The following RASAL1 variants were observed in gnomAD, a reference collection of about 807,000 sequenced individuals.
The protein encoded by RASAL1 is rasGAP-activating-like protein 1.
Under a neutral mutation model 96.6 loss-of-function variants are expected in RASAL1, and 72 were observed. The ratio of observed to expected loss-of-function variants is 0.75; its 90% CI spans 0.62 to 0.91. The LOEUF (loss-of-function observed/expected upper bound fraction) is 0.91, where lower values mean the gene tolerates loss of function less well. RASAL1 is among the 40% of genes least tolerant of loss of function. The probability of loss-of-function intolerance (pLI) is 0.00; values close to 1 mark genes in which losing one functional copy is unlikely to be tolerated. For missense variants in RASAL1, 1,016 were observed against 1,072.5 expected, an observed-to-expected ratio of 0.95 and a Z score of 0.74; for synonymous variants, 405 against 430.4, an observed-to-expected ratio of 0.94 and a Z score of 0.73.
At chr12:113,123,474 A>G (rs2136221905) in intron 4 of RASAL1, among the ~76,000 whole-genome samples, 1 of 152,258 alleles carries the variant, frequency 6.6e-6, no homozygotes, top group South Asian at 2.1e-4. Context: ...CCCTTGTCCA[A>G]GTTTTAGTCT....
At chr12:113,105,579 T>G in intron 16 of RASAL1, 135 bp downstream of exon 16, 1 of 950,574 alleles carries the variant, frequency 1.1e-6, no homozygotes, top group Non-Finnish European at 1.6e-6. Flanking sequence ...TCCTGAGAGT[T>G]TGTCGTTGTT....
rs1171414060 is a variant in RASAL1, at chr12:113,120,734, G to A, written c.428+775C>T. On this transcript the variant is annotated intron_variant, in intron 5 of 20. Coordinates refer to ENST00000548055, the MANE Select transcript of RASAL1 (RefSeq NM_001301202.2). Reference sequence around the variant, plus strand: ...TCCCATGAGCTGGTGCCCCTAGAGGGCCACCTGTGGGTTTTCCTGGTCTTG... The same window carrying A: ...TCCCATGAGCTGGTGCCCCTAGAGGACCACCTGTGGGTTTTCCTGGTCTTG... Among the ~76,000 whole-genome samples, 3 of 152,138 alleles carry A rather than the reference G, an allele frequency of 2.0e-5. No individual in the cohort carries two copies. In the East Asian group the frequency reaches 5.8e-4, roughly 29 times the overall value.
In RASAL1 at chr12:113,130,648, C is replaced by A. The variant is rs1951668911; in HGVS notation, c.122+237G>T. On this transcript the variant is annotated intron_variant, in intron 2 of 20. Coordinates refer to ENST00000548055, the MANE Select transcript of RASAL1 (RefSeq NM_001301202.2). This position sits in a 1 kb window ranked among gnomAD's most constrained non-coding sequence, Gnocchi z 5.1. The stretch of plus-strand genomic sequence containing the variant: ...GGCCACTGTAGGAGGCACAGGCTGG[C>A]AGCGCTGAGTCAGCCCCAGGGAGCC... 6.6e-6 allele frequency among the ~76,000 whole-genome samples: 1 copy of A among 152,150 alleles called. No homozygotes were observed. Among genetic ancestry groups the A allele is most frequent in the South Asian group, 2.1e-4 (1 of 4,832 alleles).
At chr12:113,131,183 C>G (rs1018007352) in intron 1 of RASAL1, among the ~76,000 whole-genome samples, 2 of 148,936 alleles carry the variant, frequency 1.3e-5, no homozygotes, top group African/African-American at 5.0e-5. Flanking sequence ...AACAGGGAGG[C>G]CTGAGGCCAG....
rs916585248 is a variant in RASAL1 at position 113,128,570 on chromosome 12, T to A, written c.123-392A>T. Among the ~76,000 whole-genome samples the A allele has an allele frequency of 4.0e-5, 6 of 150,848 alleles. 1 individual carries two copies. In the South Asian group the frequency reaches 1.3e-3, roughly 32 times the overall value. On this transcript the variant is annotated intron_variant, in intron 2 of 20. Coordinates refer to ENST00000548055, the MANE Select transcript of RASAL1 (RefSeq NM_001301202.2). ...TACACACCCACATACAGGGCCCCAA[T>A]ACACATCTAAGGTCCCAGATACACA...
rs1050182134 is a variant in RASAL1, at chr12:113,135,207, G to T, written c.65+191C>A. Among the ~76,000 whole-genome samples the T allele has an allele frequency of 6.6e-6, 1 of 151,842 alleles. No homozygotes were observed. Among genetic ancestry groups the T allele is most frequent in the Non-Finnish European group, 1.5e-5 (1 of 67,936 alleles). On this transcript the variant is annotated intron_variant, in intron 1 of 20. Coordinates refer to ENST00000548055, the MANE Select transcript of RASAL1 (RefSeq NM_001301202.2). This position sits in a 1 kb window ranked among gnomAD's most constrained non-coding sequence, Gnocchi z 5.7. ...GGCGGGGCATCTGCTAACTCTAGGC[G>T]CCCCCCTCCCACCGGGACAGCCATG...
chr12:113,114,799 C>G lies in RASAL1; in HGVS notation c.1181+1G>C, dbSNP rs1951013696. The G allele has an allele frequency of 6.2e-7, 1 of 1,612,870 alleles. No homozygotes were observed. The highest frequency in any genetic ancestry group is 8.5e-7 in the Non-Finnish European group (1 of 1,178,904). On this transcript the variant is annotated splice_donor_variant, in intron 12 of 20. Transcript: ENST00000548055. LOFTEE classifies it high-confidence loss of function. ...GGTCAGGGTCCTCAGGCTTTGCTCACCGGGTGCGGCCCAGGTCCATCTTGC... is the reference window on the plus strand; with the variant it reads ...GGTCAGGGTCCTCAGGCTTTGCTCAGCGGGTGCGGCCCAGGTCCATCTTGC...
intron 1 of RASAL1, among the ~76,000 whole-genome samples, chr12:113,134,005 C>T (rs1161049753): frequency 6.6e-6 from 1 of 152,198 alleles, no homozygotes; most frequent in Non-Finnish European, 1.5e-5. Context: ...GGCCAGAGCT[C>T]AGTGAGTGAG....
rs1951035933 is a variant in RASAL1, at chr12:113,115,366, C to G, written c.1004-102G>C. 1 of 1,217,566 alleles carries G rather than the reference C, an allele frequency of 8.2e-7. No homozygotes were observed. The highest frequency in any genetic ancestry group is 1.5e-5 in the African/African-American group (1 of 67,158). 75.4% of individuals were successfully genotyped at this position (1,217,566 alleles called of 1,614,324 possible). On this transcript the variant is annotated intron_variant, in intron 10 of 20. Transcript: ENST00000548055. This position sits in a 1 kb window ranked among gnomAD's most constrained non-coding sequence, Gnocchi z 4.1. Reference sequence around the variant, plus strand: ...TCATGATTCTTCCAGCCCCAAGAATCAGGAAGACCCAAAACATCAACCCCA... The same window carrying G: ...TCATGATTCTTCCAGCCCCAAGAATGAGGAAGACCCAAAACATCAACCCCA...
chr12:113,115,340 G>A lies in RASAL1; in HGVS notation c.1004-76C>T. On this transcript the variant is annotated intron_variant, in intron 10 of 20. Transcript: ENST00000548055. The surrounding 1 kb of genome is among the most constrained non-coding windows in gnomAD (Gnocchi z 4.1). ...CTCACCCCACTCACCCAAGGTGGGA[G>A]TCATGATTCTTCCAGCCCCAAGAAT... 1 of 1,350,740 alleles carries A rather than the reference G, an allele frequency of 7.4e-7. No homozygotes were observed. Among genetic ancestry groups the A allele is most frequent in the South Asian group, 1.2e-5 (1 of 85,526 alleles). The allele number at this position is 1,350,740 out of a possible 1,614,324, so 83.7% of individuals were successfully genotyped here. A position where few individuals can be genotyped will look rare whatever the true frequency, so the allele number is the denominator to read the frequency against.
intron 12 of RASAL1, among the ~76,000 whole-genome samples, chr12:113,112,842 C>T (rs1950920065): frequency 6.6e-6 from 1 of 152,118 alleles, no homozygotes; most frequent in African/African-American, 2.4e-5. Flanking sequence ...ATCTCAGCTA[C>T]TTGGGATGCT....
rs757817797 is a variant in RASAL1 at position 113,108,144 on chromosome 12, C to A, written c.1453G>T (p.Asp485Tyr). The A allele has an allele frequency of 1.2e-6, 2 of 1,613,700 alleles. No homozygotes were observed. Among genetic ancestry groups the A allele is most frequent in the African/African-American group, 2.7e-5 (2 of 74,888 alleles). Residue 485 changes from aspartate to tyrosine, a missense_variant, in exon 14 of 21, where the codon GAC (aspartate) becomes TAC (tyrosine). Coordinates refer to ENST00000548055, the MANE Select transcript of RASAL1 (RefSeq NM_001301202.2). ...APAILTPKLF[D>Y]LRDQHADPQT... ...GGGTCCGCGTGTTGGTCCCGAAGGT[C>A]AAACAGCTTTGGGGTAAGGATGGCA...
At chr12:113,105,907 G>A in intron 15 of RASAL1, 21 bp from the exon 16 acceptor site, 1 of 1,602,848 alleles carries the variant, frequency 6.2e-7, no homozygotes, top group Non-Finnish European at 8.5e-7. Flanking sequence ...GGAGAAGAGA[G>A]CGGTGGACAG....
chr12:113,114,648 G>A (rs988037144), intron 12 of RASAL1, 152 bp downstream of exon 12: 3 of 687,380 alleles, frequency 4.4e-6, no homozygotes, highest in Non-Finnish European at 5.2e-6. Context: ...TGGTTTAAGG[G>A]CTTGTGTGTG....
At position 113,128,652 on chromosome 12, in the gene RASAL1, C is replaced by T. The variant is rs879149144; in HGVS notation, c.123-474G>A. On this transcript the variant is annotated intron_variant, in intron 2 of 20. Transcript: ENST00000548055. ...AAACATATGTGCAGATACACACACACGGATTCACACTGAGACAGAGTTGCT... is the reference window on the plus strand; with the variant it reads ...AAACATATGTGCAGATACACACACATGGATTCACACTGAGACAGAGTTGCT... 1.4e-4 allele frequency among the ~76,000 whole-genome samples: 21 copies of T among 152,108 alleles called. 1 individual carries two copies. Among genetic ancestry groups the T allele is most frequent in the Admixed American group, 5.9e-4 (9 of 15,254 alleles).
chr12:113,130,761 C>G lies in RASAL1; in HGVS notation c.122+124G>C. On this transcript the variant is annotated intron_variant, in intron 2 of 20. Transcript: ENST00000548055. This position sits in a 1 kb window ranked among gnomAD's most constrained non-coding sequence, Gnocchi z 5.1. Reference sequence around the variant, plus strand: ...TCCCAGCTGGACACAAATCACCCACCTGCAGGCCCGCGAGTCCCCCTCAGG... The same window carrying G: ...TCCCAGCTGGACACAAATCACCCACGTGCAGGCCCGCGAGTCCCCCTCAGG... 2 of 749,376 alleles carry G rather than the reference C, an allele frequency of 2.7e-6. No homozygotes were observed. Among genetic ancestry groups the G allele is most frequent in the African/African-American group, 3.5e-5 (2 of 56,898 alleles). 46.4% of individuals were successfully genotyped at this position (749,376 alleles called of 1,614,324 possible).
At chr12:113,132,653 T>C (rs1015040862) in intron 1 of RASAL1, among the ~76,000 whole-genome samples, 2 of 152,190 alleles carry the variant, frequency 1.3e-5, no homozygotes. Flanking sequence ...AAGAGGGACA[T>C]TGGCGCTAAG....
At chr12:113,105,125 A>G (rs1024325440) in intron 16 of RASAL1, among the ~76,000 whole-genome samples, 1 of 152,218 alleles carries the variant, frequency 6.6e-6, no homozygotes, top group Non-Finnish European at 1.5e-5. Flanking sequence ...AGCCGTCATC[A>G]TCTACTGGTG....
rs200565872 is a variant in RASAL1 at position 113,115,894 on chromosome 12, C to T, written c.849+40G>A. On this transcript the variant is annotated intron_variant, in intron 9 of 20. Transcript: ENST00000548055. The surrounding 1 kb of genome is among the most constrained non-coding windows in gnomAD (Gnocchi z 4.1). ...AGGGGGAGGCCAGGATCCAGACCCC[C>T]GGCACCCGCCTGATAGCATTGCTTG... is the stretch of plus-strand genomic sequence containing the variant. 1.5e-4 allele frequency: 243 copies of T among 1,580,942 alleles called. No individual in the cohort carries two copies. Among genetic ancestry groups the T allele is most frequent in the South Asian group, 4.7e-4 (41 of 86,560 alleles).
Sources: allele counts gnomAD v4.1 joint callset (sites outside exome capture counted in the v4.1 genomes callset), GRCh38; gene constraint gnomAD v4.1.1; non-coding constraint Gnocchi (gnomAD v3.1); transcripts MANE v1.5; gene names NCBI Gene and HGNC (gene_info 2026-07-23, HGNC 2026-07-21).